Variants in MORN5 observed in about 807,000 individuals in gnomAD.
MORN5 encodes the protein MORN repeat containing 5, also known as MORN repeat-containing protein 5.
MORN5 carries 21 observed loss-of-function variants against 22.1 expected under a neutral mutation model. The ratio of observed to expected loss-of-function variants is 0.95; its 90% CI spans 0.67 to 1.37. MORN5 has a LOEUF of 1.37. Among genes scored for constraint, MORN5 ranks in the 40% most tolerant of loss-of-function variants. MORN5 has a pLI of 0.00. For synonymous variants in MORN5, 73 were observed against 74.0 expected, an observed-to-expected ratio of 0.99 and a Z score of 0.07; for missense variants, 211 against 215.1, an observed-to-expected ratio of 0.98 and a Z score of 0.12.
chr9:122,189,321 A>C (rs1829707611), intron 4 of MORN5, among the ~76,000 whole-genome samples: 1 of 152,074 alleles, frequency 6.6e-6, no homozygotes, highest in Admixed American at 6.5e-5. Context: ...TATGTGGGCC[A>C]GGCTTGGTGT....
chr9:122,194,786 G>A (rs1320794431), intron 4 of MORN5, among the ~76,000 whole-genome samples: 4 of 152,158 alleles, frequency 2.6e-5, no homozygotes, highest in Non-Finnish European at 5.9e-5. Context: ...TTAAGAGGCC[G>A]AGGTGGGCGG....
chr9:122,174,624 G>A lies in MORN5; in HGVS notation c.436G>A (p.Ala146Thr), dbSNP rs766633182. The change falls in exon 4 of 5, where the codon GCA becomes ACA. Residue 146 changes from alanine to threonine, a missense_variant. Ala to Thr is a moderately conservative substitution (Grantham distance 58). Coordinates refer to ENST00000373764, the MANE Select transcript of MORN5 (RefSeq NM_198469.4). ...CTATAGGAACCGCTTTCTAAGAAAC[G>A]CAGGTAGGTTTCTTCCGACACTGCA... Reference protein sequence around the residue: ...KDYRNRFLRNADDDEHEWITR... With the variant: ...KDYRNRFLRNTDDDEHEWITR... 51 of 1,613,932 alleles carry A rather than the reference G, an allele frequency of 3.2e-5. No homozygotes were observed. The highest frequency in any genetic ancestry group is 2.5e-4 in the Admixed American group (15 of 59,986).
At chr9:122,192,326 C>T (rs561395974) in intron 4 of MORN5, among the ~76,000 whole-genome samples, 1 of 152,306 alleles carries the variant, frequency 6.6e-6, no homozygotes, top group South Asian at 2.1e-4. Flanking sequence ...GGTCCTCATG[C>T]AAGCCTTCAA....
At chr9:122,184,595 G>T (rs1000882575) in intron 4 of MORN5, among the ~76,000 whole-genome samples, 4 of 152,170 alleles carry the variant, frequency 2.6e-5, no homozygotes, top group African/African-American at 9.7e-5. Context: ...TTTATTTCAG[G>T]TGATAAAGCA....
intron 4 of MORN5, among the ~76,000 whole-genome samples, chr9:122,186,825 C>A (rs1829647686): frequency 6.6e-6 from 1 of 152,168 alleles, no homozygotes; most frequent in Non-Finnish European, 1.5e-5. Flanking sequence ...AAAGCCAGAC[C>A]CTATGAGGCC....
chr9:122,198,643 GAACGT>G (rs1323539187), intron 4 of MORN5, among the ~76,000 whole-genome samples: 6 of 152,152 alleles, frequency 3.9e-5, no homozygotes, highest in Non-Finnish European at 8.8e-5. Flanking sequence ...CTCCTGGAAG[GAACGT>G]AACCCCAGAG....
At chr9:122,166,378 A>G (rs941660093) in intron 1 of MORN5, among the ~76,000 whole-genome samples, 2 of 151,860 alleles carry the variant, frequency 1.3e-5, no homozygotes, top group African/African-American at 4.8e-5. Context: ...ATAGGCAAGG[A>G]TGGGTTGGTC....
rs116733086 is a variant in MORN5 at position 122,188,564 on chromosome 9, G to A, written c.440-11321G>A. ...GTCCACTTGCAGCCAGGGATTAGGG[G>A]CCAAAAGAAGCAGAGGGTCAACGCA... On this transcript the variant is annotated intron_variant, in intron 4 of 4. Coordinates refer to ENST00000373764, the MANE Select transcript of MORN5 (RefSeq NM_198469.4). Among the ~76,000 whole-genome samples the A allele has an allele frequency of 5.8e-3, 891 of 152,356 alleles. 10 individuals carry two copies. Among genetic ancestry groups the A allele is most frequent in the African/African-American group, 0.02 (838 of 41,586 alleles).
At chr9:122,175,523 C>T in intron 4 of MORN5, 1 of 985,294 alleles carries the variant, frequency 1.0e-6, no homozygotes, top group Non-Finnish European at 1.2e-6. Flanking sequence ...AGTCACACTC[C>T]CACTAGGAAT....
chr9:122,164,530 C>A, intron 1 of MORN5: 1 of 971,556 alleles, frequency 1.0e-6, no homozygotes, highest in Non-Finnish European at 1.2e-6. Context: ...GATTCTGATA[C>A]CATTCATGGA....
intron 1 of MORN5, among the ~76,000 whole-genome samples, chr9:122,165,395 C>CA (rs59306308): frequency 0.046 from 3,847 of 82,806 alleles, 122 homozygotes; most frequent in African/African-American, 0.1. Context: ...CCCGTCTCTA[C>CA]AAAAAAAAAA....
intron 2 of MORN5, among the ~76,000 whole-genome samples, chr9:122,168,930 A>T (rs1482994030): frequency 6.6e-6 from 1 of 152,122 alleles, no homozygotes; most frequent in Non-Finnish European, 1.5e-5. Flanking sequence ...CTGTTAGTGT[A>T]GTTCCAGTCC....
chr9:122,188,214 G>T (rs546675021), intron 4 of MORN5, among the ~76,000 whole-genome samples: 2 of 152,306 alleles, frequency 1.3e-5, no homozygotes, highest in South Asian at 2.1e-4. Context: ...TTGCAGAAAA[G>T]TTCCTCAGGG....
At chr9:122,180,899 A>G (rs1829529366) in intron 4 of MORN5, among the ~76,000 whole-genome samples, 1 of 152,226 alleles carries the variant, frequency 6.6e-6, no homozygotes, top group Non-Finnish European at 1.5e-5. Context: ...CTGTGTTCCC[A>G]GCATCTCACA....
intron 4 of MORN5, among the ~76,000 whole-genome samples, chr9:122,183,971 A>G (rs1462550875): frequency 2.0e-5 from 3 of 152,146 alleles, no homozygotes; most frequent in Non-Finnish European, 4.4e-5. Context: ...TTAAATGGAC[A>G]ATGGGAATAA....
intron 1 of MORN5, among the ~76,000 whole-genome samples, chr9:122,163,313 G>T (rs1022731139): frequency 3.3e-5 from 5 of 152,128 alleles, no homozygotes; most frequent in African/African-American, 1.2e-4. Flanking sequence ...GAAAAGTAAG[G>T]CTCGGAGTAA....
chr9:122,162,833 A>C (rs970119666), intron 1 of MORN5, among the ~76,000 whole-genome samples: 1 of 152,210 alleles, frequency 6.6e-6, no homozygotes, highest in Non-Finnish European at 1.5e-5. Context: ...GGGCAGGGGC[A>C]AGGAGGAAGT....
chr9:122,189,446 T>G (rs1333246954), intron 4 of MORN5, among the ~76,000 whole-genome samples: 2 of 151,856 alleles, frequency 1.3e-5, no homozygotes, highest in African/African-American at 4.8e-5. Flanking sequence ...AAAGATTTTT[T>G]TAAATTAGCC....
intron 1 of MORN5, among the ~76,000 whole-genome samples, chr9:122,166,284 A>G (rs1246684686): frequency 6.6e-6 from 1 of 151,940 alleles, no homozygotes; most frequent in Non-Finnish European, 1.5e-5. Flanking sequence ...CCAAGATTAT[A>G]TATATATATA....
Sources: gnomAD v4.1 joint callset for allele counts (sites outside exome capture counted in the v4.1 genomes callset) on GRCh38, gnomAD v4.1.1 for gene constraint, MANE v1.5 for transcripts, NCBI Gene and HGNC (gene_info 2026-07-23, HGNC 2026-07-21) for gene names.